ADCY3: variants seen among roughly 807,000 people sequenced by gnomAD.
ADCY3 encodes adenylate cyclase type 3.
ADCY3 carries 70 observed loss-of-function variants against 119.4 expected under a neutral mutation model. The ratio of observed to expected loss-of-function variants is 0.59; its 90% CI spans 0.48 to 0.72. The LOEUF is 0.72. Ranked by LOEUF, ADCY3 falls within the 30% of genes least tolerant of loss-of-function variation. The pLI, the probability that ADCY3 is intolerant of heterozygous loss-of-function variation, is 0.00. For missense variants in ADCY3, 1,238 were observed against 1,541.6 expected (o/e 0.80, Z 3.30); for synonymous variants, 672 against 621.4 (o/e 1.08, Z -1.21).
At chr2:24,848,879 G>A (rs1671958636) in intron 3 of ADCY3, among the ~76,000 whole-genome samples, 1 of 152,174 alleles carries the variant, frequency 6.6e-6, no homozygotes. Flanking sequence ...CACTCAGCCT[G>A]GTCTCCTGAG....
intron 13 of ADCY3, among the ~76,000 whole-genome samples, chr2:24,829,975 G>A (rs996969496): frequency 2.0e-5 from 3 of 151,322 alleles, no homozygotes; most frequent in Non-Finnish European, 4.4e-5. Context: ...CACAGGACTG[G>A]GACTTAGAAC....
chr2:24,874,998 G>C (rs955924204), intron 2 of ADCY3, among the ~76,000 whole-genome samples: 1 of 152,138 alleles, frequency 6.6e-6, no homozygotes, highest in African/African-American at 2.4e-5. Flanking sequence ...TGTTCTGGTG[G>C]GCTGCACAGC....
At chr2:24,897,800 C>T (rs1432189658) in intron 2 of ADCY3, among the ~76,000 whole-genome samples, 2 of 152,160 alleles carry the variant, frequency 1.3e-5, no homozygotes, top group African/African-American at 2.4e-5. Context: ...GCTGGCTGAA[C>T]GAATCCCTCT....
chr2:24,857,828 G>A lies in ADCY3; in HGVS notation c.825+14742C>T, dbSNP rs571788038. On this transcript the variant is annotated intron_variant, in intron 3 of 21. Transcript: ENST00000679454. ...CGACAAAATTTCCACCTTTACCCACGGCACTCCCTAAGCTCCGTCCTCTGC... is the reference window on the plus strand; with the variant it reads ...CGACAAAATTTCCACCTTTACCCACAGCACTCCCTAAGCTCCGTCCTCTGC... Among the ~76,000 whole-genome samples, 20 of 152,096 alleles carry A rather than the reference G, an allele frequency of 1.3e-4. No individual in the cohort carries two copies. In the South Asian group the frequency reaches 4.2e-3, roughly 32 times the overall value.
chr2:24,903,457 G>A lies in ADCY3; in HGVS notation c.675+14856C>T, dbSNP rs567247176. ...GGAAGTCTTGGCCCTGAGACCAGCC[G>A]GGTCTGCGCTTCCCGGGGGGAGCCT... On this transcript the variant is annotated intron_variant, in intron 2 of 21. Transcript: ENST00000679454. 5.3e-5 allele frequency among the ~76,000 whole-genome samples: 8 copies of A among 152,058 alleles called. No homozygotes were observed. The East Asian group carries it at 1.4e-3, about 26-fold the overall frequency.
At chr2:24,840,686 C>A (rs1256643520) in intron 6 of ADCY3, 1 of 372,746 alleles carries the variant, frequency 2.7e-6, no homozygotes, top group Non-Finnish European at 5.6e-6. Flanking sequence ...GGAAGTCAAC[C>A]AGAGGGACTG....
chr2:24,912,604 CATGT>C (rs1663906830), intron 2 of ADCY3, among the ~76,000 whole-genome samples: 1 of 38,698 alleles, frequency 2.6e-5, no homozygotes, highest in Admixed American at 1.7e-4. Context: ...TGTGTGTGTG[CATGT>C]GTGTGTGTGT....
At chr2:24,885,493 C>A (rs553787739) in intron 2 of ADCY3, among the ~76,000 whole-genome samples, 1 of 152,318 alleles carries the variant, frequency 6.6e-6, no homozygotes, top group South Asian at 2.1e-4. Context: ...ATTGGCTGAA[C>A]GCCTGAACCA....
At chr2:24,837,071 G>C in intron 8 of ADCY3, 26 bp from the exon 9 acceptor site, 1 of 1,612,384 alleles carries the variant, frequency 6.2e-7, no homozygotes, top group Non-Finnish European at 8.5e-7. Flanking sequence ...GCTCAGCCAT[G>C]ATCTGGGCAT....
intron 2 of ADCY3, among the ~76,000 whole-genome samples, chr2:24,891,333 C>T (rs986151324): frequency 6.6e-6 from 1 of 152,100 alleles, no homozygotes; most frequent in African/African-American, 2.4e-5. Context: ...AACTCTAGTA[C>T]AATTTTGCTC....
intron 16 of ADCY3, among the ~76,000 whole-genome samples, chr2:24,825,421 AC>A (rs1181248945): frequency 5.5e-5 from 8 of 145,066 alleles, no homozygotes; most frequent in Non-Finnish European, 1.2e-4. Flanking sequence ...TACAGCCTCA[AC>A]CTCCTAGATT....
chr2:24,842,244 G>A lies in ADCY3; in HGVS notation c.956+10C>T. ...TCTGCCATCAGAGCCCGCGCCCCGG[G>A]CCGGCGTACCTGACGTTCTCGTGAC... On this transcript the variant is annotated intron_variant, in intron 4 of 21. Transcript: ENST00000679454. The surrounding 1 kb of genome is among the most constrained non-coding windows in gnomAD (Gnocchi z 4.9). 6.2e-7 allele frequency: 1 copy of A among 1,613,930 alleles called. No homozygotes were observed. The highest frequency in any genetic ancestry group is 1.1e-5 in the South Asian group (1 of 91,078).
chr2:24,915,669 T>C (rs1664362171), intron 2 of ADCY3, among the ~76,000 whole-genome samples: 2 of 152,202 alleles, frequency 1.3e-5, no homozygotes, highest in South Asian at 4.1e-4. Flanking sequence ...GTCTCCTGTG[T>C]AGCTGGGATT....
intron 3 of ADCY3, among the ~76,000 whole-genome samples, chr2:24,866,922 AAG>A (rs1182428407): frequency 6.6e-6 from 1 of 152,222 alleles, no homozygotes; most frequent in Non-Finnish European, 1.5e-5. Flanking sequence ...TCAGAAAAAG[AAG>A]AGAGATACTT....
Position 24,842,462 on chromosome 2 carries a change from C to T in ADCY3, c.826-78G>A. On this transcript the variant is annotated intron_variant, in intron 3 of 21. Coordinates refer to ENST00000679454, the MANE Select transcript of ADCY3 (RefSeq NM_004036.5). This position sits in a 1 kb window ranked among gnomAD's most constrained non-coding sequence, Gnocchi z 4.9. Reference sequence around the variant, plus strand: ...GTTCAGATACTTCTGGGAAGAAATGCCCCGATCCTGGCAAGAAACGTGAGC... The same window carrying T: ...GTTCAGATACTTCTGGGAAGAAATGTCCCGATCCTGGCAAGAAACGTGAGC... 6.4e-7 allele frequency: 1 copy of T among 1,573,068 alleles called. No individual in the cohort carries two copies. Among genetic ancestry groups the T allele is most frequent in the Non-Finnish European group, 8.7e-7 (1 of 1,153,078 alleles).
At chr2:24,882,595 C>T (rs1236619500) in intron 2 of ADCY3, among the ~76,000 whole-genome samples, 2 of 152,168 alleles carry the variant, frequency 1.3e-5, no homozygotes, top group Admixed American at 1.3e-4. Context: ...CAAATAATTC[C>T]AATTCTATTT....
At chr2:24,890,871 AC>A (rs756579969) in intron 2 of ADCY3, among the ~76,000 whole-genome samples, 4 of 148,890 alleles carry the variant, frequency 2.7e-5, no homozygotes, top group Non-Finnish European at 4.5e-5. Flanking sequence ...CAGACTTTAG[AC>A]CTTTCTTCTT....
Position 24,834,956 on chromosome 2 carries a change from C to T in ADCY3, c.1663-20G>A, listed in dbSNP as rs750694918. 19 of 1,610,138 alleles carry T rather than the reference C, an allele frequency of 1.2e-5. No individual in the cohort carries two copies. The highest frequency in any genetic ancestry group is 4.0e-5 in the African/African-American group (3 of 74,826). ...GTCGGCCTGTGAGCCAGGGAGGCAG[C>T]GTGAGTGGGGCAGATGGGACAGAGT... On this transcript the variant is annotated intron_variant, in intron 9 of 21. Transcript: ENST00000679454. The surrounding 1 kb of genome is among the most constrained non-coding windows in gnomAD (Gnocchi z 4.2).
intron 15 of ADCY3, among the ~76,000 whole-genome samples, chr2:24,826,999 G>A (rs1668716140): frequency 6.6e-6 from 1 of 152,180 alleles, no homozygotes; most frequent in African/African-American, 2.4e-5. Context: ...TTACTTGAGT[G>A]CCATTTATTA....
Sources: gnomAD v4.1 joint callset for allele counts (sites outside exome capture counted in the v4.1 genomes callset) on GRCh38, gnomAD v4.1.1 for gene constraint, Gnocchi (gnomAD v3.1) non-coding constraint, MANE v1.5 for transcripts, NCBI Gene and HGNC (gene_info 2026-07-23, HGNC 2026-07-21) for gene names.